The following TMEM108 variants were observed in gnomAD, a reference collection of about 807,000 sequenced individuals.
TMEM108 encodes cancer/testis antigen 124.
A neutral mutation model predicts 35.1 loss-of-function variants in TMEM108; 12 were observed. That is an observed-to-expected ratio of 0.34 (90% confidence interval 0.22 to 0.55). The LOEUF (loss-of-function observed/expected upper bound fraction) is 0.55, where lower values mean the gene tolerates loss of function less well. Among genes scored for constraint, TMEM108 ranks in the 20% least tolerant of loss-of-function variants. The pLI, the probability that TMEM108 is intolerant of heterozygous loss-of-function variation, is 0.89. For missense variants in TMEM108, 680 were observed against 753.3 expected, an observed-to-expected ratio of 0.90 and a Z score of 1.14; for synonymous variants, 287 against 308.6, an observed-to-expected ratio of 0.93 and a Z score of 0.73.
intron 2 of TMEM108, among the ~76,000 whole-genome samples, chr3:133,218,050 C>A (rs1945934669): frequency 6.6e-6 from 1 of 151,988 alleles, no homozygotes; most frequent in South Asian, 2.1e-4. Flanking sequence ...AATCCATGAA[C>A]ATAGGATGTC....
At chr3:133,343,615 G>A (rs1213181303) in intron 3 of TMEM108, among the ~76,000 whole-genome samples, 2 of 151,794 alleles carry the variant, frequency 1.3e-5, no homozygotes, top group African/African-American at 4.8e-5. Flanking sequence ...ACTGAAAGAA[G>A]CCAGAGCCAA....
At chr3:133,192,921 T>TGTGTGTGTGCGCGCGTGTGTGC (rs1419512673) in intron 2 of TMEM108, 12 of 152,020 alleles carry the variant, frequency 7.9e-5, no homozygotes, top group African/African-American at 2.9e-4. Context: ...TGTGTGTGTG[T>TGTGTGTGTGCGCGCGTGTGTGC]GTGCGCGTGT....
intron 1 of TMEM108, among the ~76,000 whole-genome samples, chr3:133,044,876 G>T (rs766726019): frequency 2.6e-5 from 4 of 152,150 alleles, no homozygotes; most frequent in Non-Finnish European, 5.9e-5. Context: ...AGGATCACTT[G>T]AGCTGAGGAG....
chr3:133,077,283 C>T (rs1400199141), intron 2 of TMEM108, among the ~76,000 whole-genome samples: 3 of 152,092 alleles, frequency 2.0e-5, no homozygotes, highest in African/African-American at 7.2e-5. Context: ...AAAAAGGGCC[C>T]ATTTAATTGT....
chr3:133,266,527 T>C (rs1310534618), intron 3 of TMEM108, among the ~76,000 whole-genome samples: 1 of 152,116 alleles, frequency 6.6e-6, no homozygotes, highest in Non-Finnish European at 1.5e-5. Context: ...AAAATAAAAT[T>C]GGTTTTGTTG....
At chr3:133,067,577 A>C (rs995621419) in intron 2 of TMEM108, among the ~76,000 whole-genome samples, 3 of 152,216 alleles carry the variant, frequency 2.0e-5, no homozygotes, top group South Asian at 4.1e-4. Context: ...AAGTGTCTTC[A>C]GTCGTGGTTC....
intron 1 of TMEM108, among the ~76,000 whole-genome samples, chr3:133,043,383 G>A (rs1380847575): frequency 6.6e-6 from 1 of 152,102 alleles, no homozygotes; most frequent in African/African-American, 2.4e-5. Flanking sequence ...AGAGTGTTAG[G>A]GGTAAGATAT....
At chr3:133,163,764 CTA>C (rs1482606033) in intron 2 of TMEM108, among the ~76,000 whole-genome samples, 26 of 152,294 alleles carry the variant, frequency 1.7e-4, no homozygotes, top group Middle Eastern at 3.4e-3. Context: ...GGGCCTGAAT[CTA>C]TGAGTCTTCT....
chr3:133,397,024 A>G lies in TMEM108; in HGVS notation c.*1038A>G, dbSNP rs1365729519. 6.6e-6 allele frequency: 1 copy of G among 152,190 alleles called. No homozygotes were observed. The highest frequency in any genetic ancestry group is 1.5e-5 in the Non-Finnish European group (1 of 68,022). The allele number at this position is 152,190 out of a possible 1,614,324, so 9.4% of individuals were successfully genotyped here. A position where few individuals can be genotyped will look rare whatever the true frequency, so the allele number is the denominator to read the frequency against. On this transcript the variant is annotated 3_prime_UTR_variant, in exon 6 of 6. Transcript: ENST00000321871. ...AGACATCATTATACTCCTACTTGGC[A>G]CTGCAAACCTGCTCGCAGCACCAGC... is the stretch of plus-strand genomic sequence containing the variant.
chr3:133,273,546 G>C (rs543403843), intron 3 of TMEM108, among the ~76,000 whole-genome samples: 5 of 152,126 alleles, frequency 3.3e-5, no homozygotes, highest in Non-Finnish European at 7.4e-5. Context: ...GACTTCAAAG[G>C]GTCCCTCTCC....
rs867787882 is a variant in TMEM108 at position 133,051,808 on chromosome 3, C to G, written c.-47+5788C>G. The stretch of plus-strand genomic sequence containing the variant: ...CCTTTGGCAAAGATCAGCTGACTAT[C>G]TGGATGTAGGTATATTTCTAGGCTC... On this transcript the variant is annotated intron_variant, in intron 2 of 5. Transcript: ENST00000321871. 7.2e-5 allele frequency among the ~76,000 whole-genome samples: 11 copies of G among 152,184 alleles called. No individual in the cohort carries two copies. The South Asian group carries it at 2.1e-3, about 29-fold the overall frequency.
intron 2 of TMEM108, among the ~76,000 whole-genome samples, chr3:133,221,786 T>G (rs866267360): frequency 6.6e-6 from 1 of 151,762 alleles, no homozygotes; most frequent in South Asian, 2.1e-4. Flanking sequence ...AACTTAACTT[T>G]GATTGCAAAA....
chr3:133,205,496 C>T (rs959664549), intron 2 of TMEM108, among the ~76,000 whole-genome samples: 1 of 152,082 alleles, frequency 6.6e-6, no homozygotes, highest in African/African-American at 2.4e-5. Flanking sequence ...TAAGGCAGGC[C>T]TGGTGGTGAC....
chr3:133,133,676 T>G (rs1944522880), intron 2 of TMEM108, among the ~76,000 whole-genome samples: 1 of 151,648 alleles, frequency 6.6e-6, no homozygotes, highest in African/African-American at 2.4e-5. Context: ...TTTTCTTTTT[T>G]TTTCCTTTTT....
intron 1 of TMEM108, among the ~76,000 whole-genome samples, chr3:133,039,512 G>A (rs1295538277): frequency 6.6e-6 from 1 of 152,124 alleles, no homozygotes; most frequent in Non-Finnish European, 1.5e-5. Context: ...TTTAAAAAGG[G>A]GAAGGTATGT....
chr3:133,185,117 T>C (rs991641930), intron 2 of TMEM108, among the ~76,000 whole-genome samples: 1 of 152,256 alleles, frequency 6.6e-6, no homozygotes, highest in African/African-American at 2.4e-5. Context: ...CTTTCTTGTC[T>C]GTAGAATTTA....
chr3:133,201,790 A>G (rs1485118536), intron 2 of TMEM108, among the ~76,000 whole-genome samples: 1 of 152,148 alleles, frequency 6.6e-6, no homozygotes, highest in Non-Finnish European at 1.5e-5. Flanking sequence ...TAGTAGAATG[A>G]TTTATAATAC....
intron 2 of TMEM108, 89 bp from the exon 3 acceptor site, chr3:133,229,177 T>G (rs1946116270): frequency 1.2e-6 from 1 of 810,434 alleles, no homozygotes; most frequent in Non-Finnish European, 1.9e-6. Context: ...AAGTTAGGCA[T>G]TATAACCAAG....
At chr3:133,172,943 T>G (rs2107792137) in intron 2 of TMEM108, among the ~76,000 whole-genome samples, 2 of 152,338 alleles carry the variant, frequency 1.3e-5, no homozygotes, top group East Asian at 3.9e-4. Flanking sequence ...CCTGCTGCTA[T>G]TCAGGTAAGA....
Sources: allele counts gnomAD v4.1 joint callset (sites outside exome capture counted in the v4.1 genomes callset), GRCh38; gene constraint gnomAD v4.1.1; transcripts MANE v1.5; gene names NCBI Gene and HGNC (gene_info 2026-07-23, HGNC 2026-07-21).